EML1: variants seen among roughly 807,000 people sequenced by gnomAD.
EML1 encodes EMAP like 1.
EML1 carries 27 observed loss-of-function variants against 110.4 expected under a neutral mutation model. That is an observed-to-expected ratio of 0.24 (90% CI 0.18 to 0.34). The LOEUF (loss-of-function observed/expected upper bound fraction) is 0.34, where lower values mean the gene tolerates loss of function less well. Ranked by LOEUF, EML1 falls within the 10% of genes least tolerant of loss-of-function variation. The probability of loss-of-function intolerance (pLI) is 1.00; values close to 1 mark genes in which losing one functional copy is unlikely to be tolerated. For synonymous variants in EML1, 344 were observed against 385.8 expected (o/e 0.89, Z 1.27); for missense variants, 741 against 1,030.9 (o/e 0.72, Z 3.85).
intron 2 of EML1, among the ~76,000 whole-genome samples, chr14:99,859,222 G>A (rs2058958711): frequency 6.6e-6 from 1 of 152,172 alleles, no homozygotes; most frequent in Admixed American, 6.5e-5. Flanking sequence ...ACCTTAGTTA[G>A]ATTTTCAGTT....
At chr14:99,863,252 C>T (rs2059032212) in intron 2 of EML1, among the ~76,000 whole-genome samples, 1 of 152,194 alleles carries the variant, frequency 6.6e-6, no homozygotes, top group African/African-American at 2.4e-5. Flanking sequence ...ACAGTCTCTA[C>T]TCATTTCCAA....
chr14:99,772,612 T>C (rs184220599), upstream of EML1, among the ~76,000 whole-genome samples: 244 of 152,356 alleles, frequency 1.6e-3, 1 homozygote, highest in African/African-American at 5.5e-3. Context: ...GCATTGTTTT[T>C]ATTATTTTGT....
At chr14:99,747,396 T>C (rs369930096) in intron 1 of EML1, among the ~76,000 whole-genome samples, 1 of 151,142 alleles carries the variant, frequency 6.6e-6, no homozygotes, top group East Asian at 2.0e-4. Flanking sequence ...CAGGGCACAT[T>C]TGGGGAATGG....
intron 1 of EML1, among the ~76,000 whole-genome samples, chr14:99,755,765 G>C (rs2057244073): frequency 6.6e-6 from 1 of 152,330 alleles, no homozygotes; most frequent in East Asian, 1.9e-4. Context: ...GCAAGGGGCA[G>C]GGTGGGGAAA....
At chr14:99,863,924 T>C (rs2059047254) in intron 2 of EML1, among the ~76,000 whole-genome samples, 2 of 152,270 alleles carry the variant, frequency 1.3e-5, no homozygotes, top group South Asian at 4.1e-4. Flanking sequence ...TCTTCCACAG[T>C]GGCTGTACTA....
intron 16 of EML1, among the ~76,000 whole-genome samples, chr14:99,919,074 C>T (rs903748404): frequency 6.6e-6 from 1 of 152,202 alleles, no homozygotes; most frequent in Non-Finnish European, 1.5e-5. Context: ...CTGTGTTGCA[C>T]TGAGGATCGA....
chr14:99,937,012 G>A (rs1015312841), intron 19 of EML1, among the ~76,000 whole-genome samples: 9 of 152,218 alleles, frequency 5.9e-5, no homozygotes, highest in South Asian at 2.1e-4. Flanking sequence ...CCTCCTCTGC[G>A]TCTTCTCAGA....
chr14:99,899,955 C>T (rs1382077013), intron 8 of EML1, among the ~76,000 whole-genome samples: 1 of 152,124 alleles, frequency 6.6e-6, no homozygotes, highest in East Asian at 1.9e-4. Flanking sequence ...TGAACTAGAA[C>T]TTGGTTCACC....
chr14:99,779,754 G>A (rs2057520120), intron 1 of EML1, among the ~76,000 whole-genome samples: 1 of 152,206 alleles, frequency 6.6e-6, no homozygotes, highest in Non-Finnish European at 1.5e-5. Flanking sequence ...TGATCATTCA[G>A]CATCAGGCTA....
intron 3 of EML1, 49 bp from the exon 4 acceptor site, chr14:99,878,436 T>G: frequency 6.4e-7 from 1 of 1,554,102 alleles, no homozygotes; most frequent in Non-Finnish European, 8.7e-7. Context: ...AGCAATAAAA[T>G]AAAGTCACGA....
intron 17 of EML1, among the ~76,000 whole-genome samples, chr14:99,933,735 C>A (rs1022907901): frequency 2.0e-5 from 3 of 152,138 alleles, no homozygotes; most frequent in Non-Finnish European, 4.4e-5. Flanking sequence ...TACGAAGATA[C>A]GAAAATTAAA....
intron 13 of EML1, among the ~76,000 whole-genome samples, chr14:99,913,313 T>C (rs936828440): frequency 1.3e-5 from 2 of 151,978 alleles, no homozygotes; most frequent in African/African-American, 4.8e-5. Context: ...GCTTTCCAGC[T>C]ACTACACGCA....
chr14:99,808,806 C>A (rs902768270), intron 1 of EML1, among the ~76,000 whole-genome samples: 2 of 152,136 alleles, frequency 1.3e-5, no homozygotes, highest in African/African-American at 2.4e-5. Context: ...AGAACATAAC[C>A]CCAATATAAA....
At chr14:99,828,376 A>C (rs1004207347) in intron 1 of EML1, among the ~76,000 whole-genome samples, 5 of 152,170 alleles carry the variant, frequency 3.3e-5, no homozygotes, top group African/African-American at 9.7e-5. Context: ...GCCCCTACCC[A>C]TGAGTCACTT....
upstream of EML1, among the ~76,000 whole-genome samples, chr14:99,790,779 G>GC (rs1289061803): frequency 6.6e-6 from 1 of 152,056 alleles, no homozygotes; most frequent in East Asian, 1.9e-4. Flanking sequence ...CCAGGCGGGC[G>GC]CAAGAGGACA....
Position 99,897,927 on chromosome 14 carries a change from A to G in EML1, c.828-306A>G, listed in dbSNP as rs77190337. On this transcript the variant is annotated intron_variant, in intron 7 of 21. Coordinates refer to ENST00000262233, the MANE Select transcript of EML1 (RefSeq NM_004434.3). ...GGTATCTTTCCTATTTATGTACTCAACATGACTTTTTAATAAAGATTGTAG... is the reference window on the plus strand; with the variant it reads ...GGTATCTTTCCTATTTATGTACTCAGCATGACTTTTTAATAAAGATTGTAG... 1.7e-4 allele frequency among the ~76,000 whole-genome samples: 26 copies of G among 152,298 alleles called. No homozygotes were observed. The East Asian group carries it at 4.8e-3, about 28-fold the overall frequency.
intron 1 of EML1, among the ~76,000 whole-genome samples, chr14:99,811,600 T>A: frequency 6.7e-6 from 1 of 148,748 alleles, no homozygotes; most frequent in African/African-American, 2.5e-5. Flanking sequence ...CCTAGGAGTT[T>A]TAGATCAGCC....
chr14:99,783,432 T>C (rs1219507733), intron 1 of EML1, among the ~76,000 whole-genome samples: 2 of 151,960 alleles, frequency 1.3e-5, no homozygotes, highest in African/African-American at 4.8e-5. Flanking sequence ...TTAACTAGGA[T>C]GGCCATACAA....
At chr14:99,884,104 TA>T (rs2059434100) in intron 4 of EML1, among the ~76,000 whole-genome samples, 1 of 152,228 alleles carries the variant, frequency 6.6e-6, no homozygotes, top group South Asian at 2.1e-4. Flanking sequence ...ACAGGGTGCC[TA>T]AGATCCCATG....
Sources: gnomAD v4.1 joint callset for allele counts (sites outside exome capture counted in the v4.1 genomes callset) on GRCh38, gnomAD v4.1.1 for gene constraint, MANE v1.5 for transcripts, NCBI Gene and HGNC (gene_info 2026-07-23, HGNC 2026-07-21) for gene names.